UMAD1: variants seen among roughly 807,000 people sequenced by gnomAD.
The protein encoded by UMAD1 is UBAP1-MVB12-associated (UMA)-domain containing protein 1.
Under a neutral mutation model 6.1 loss-of-function variants are expected in UMAD1, and 8 were observed. The observed-to-expected ratio is 1.30, with a 90% CI of 0.76 to 2.35. The LOEUF (loss-of-function observed/expected upper bound fraction) is 2.35. UMAD1 is among the 30% of genes most tolerant of loss of function. The pLI, the probability that UMAD1 is intolerant of heterozygous loss-of-function variation, is 0.00. For synonymous variants in UMAD1, 56 were observed against 31.4 expected, an observed-to-expected ratio of 1.78 and a Z score of -2.61; for missense variants, 130 against 78.4, an observed-to-expected ratio of 1.66 and a Z score of -2.49.
intron 3 of UMAD1, among the ~76,000 whole-genome samples, chr7:7,872,253 T>C (rs1405516727): frequency 6.6e-6 from 1 of 152,190 alleles, no homozygotes; most frequent in Non-Finnish European, 1.5e-5. Context: ...TGTTTCCCAC[T>C]ACATATAAAA....
At chr7:7,791,985 C>T (rs144213527) in intron 2 of UMAD1, among the ~76,000 whole-genome samples, 5 of 152,272 alleles carry the variant, frequency 3.3e-5, no homozygotes, top group African/African-American at 1.2e-4. Flanking sequence ...TTTTAGCAAT[C>T]GTTTGTAATT....
intron 2 of UMAD1, among the ~76,000 whole-genome samples, chr7:7,769,240 A>G (rs1782054245): frequency 1.3e-5 from 2 of 152,216 alleles, no homozygotes; most frequent in African/African-American, 2.4e-5. Flanking sequence ...TGAAAACTCA[A>G]TAAATCTGCT....
chr7:7,846,648 T>C (rs1783788809), intron 3 of UMAD1, among the ~76,000 whole-genome samples: 1 of 152,086 alleles, frequency 6.6e-6, no homozygotes, highest in African/African-American at 2.4e-5. Flanking sequence ...TATTATAACA[T>C]TGAATTGGAT....
intron 3 of UMAD1, among the ~76,000 whole-genome samples, chr7:7,873,740 A>G (rs1045961326): frequency 5.9e-5 from 9 of 152,286 alleles, no homozygotes; most frequent in East Asian, 3.9e-4. Context: ...TAAATTCTCT[A>G]TGGATTTTTT....
At chr7:7,844,084 C>G (rs1314252763) in intron 3 of UMAD1, among the ~76,000 whole-genome samples, 6 of 152,168 alleles carry the variant, frequency 3.9e-5, no homozygotes, top group African/African-American at 1.2e-4. Context: ...TCATAGCCGC[C>G]TTCTACCTGA....
chr7:7,757,593 A>G (rs547426396), intron 2 of UMAD1, among the ~76,000 whole-genome samples: 1 of 152,330 alleles, frequency 6.6e-6, no homozygotes, highest in South Asian at 2.1e-4. Flanking sequence ...GTTAGTTTAC[A>G]GATATTTGGT....
At chr7:7,731,965 G>A (rs1356835214) in intron 2 of UMAD1, among the ~76,000 whole-genome samples, 1 of 152,074 alleles carries the variant, frequency 6.6e-6, no homozygotes, top group Non-Finnish European at 1.5e-5. Flanking sequence ...GTACAATGGA[G>A]ACAGTAAGAG....
chr7:7,739,938 C>T (rs964630899), intron 2 of UMAD1, among the ~76,000 whole-genome samples: 2 of 152,220 alleles, frequency 1.3e-5, no homozygotes, highest in African/African-American at 4.8e-5. Flanking sequence ...TCTGAGTCAG[C>T]ATCCTTGCTA....
chr7:7,865,196 G>A lies in UMAD1; in HGVS notation c.157-12085G>A, dbSNP rs183159978. Among the ~76,000 whole-genome samples, 19 of 152,286 alleles carry A rather than the reference G, an allele frequency of 1.2e-4. 1 individual carries two copies. The highest frequency in any genetic ancestry group is 9.6e-5 in the African/African-American group (4 of 41,570). ...GTGGGAATCCTTGACTTTATAGCTC[G>A]TCAGTCAAAAGTACCTGTGACCTGA... On this transcript the variant is annotated intron_variant, in intron 3 of 3. Coordinates refer to ENST00000682710, the MANE Select transcript of UMAD1 (RefSeq NM_001302348.2).
At chr7:7,671,031 C>T (rs1473648760) in intron 1 of UMAD1, among the ~76,000 whole-genome samples, 1 of 152,188 alleles carries the variant, frequency 6.6e-6, no homozygotes, top group Non-Finnish European at 1.5e-5. Context: ...CACTGGGCCT[C>T]CTTGGGGGCT....
In UMAD1 at chr7:7,830,456, A is replaced by T. The variant is rs958237779; in HGVS notation, c.156+28713A>T. Reference sequence around the variant, plus strand: ...ATTTTTTACCTCTATTAGGTAAAAAATTATATGTTTTGGTTTCTCTCTTTT... The same window carrying T: ...ATTTTTTACCTCTATTAGGTAAAAATTTATATGTTTTGGTTTCTCTCTTTT... On this transcript the variant is annotated intron_variant, in intron 3 of 3. Transcript: ENST00000682710. The surrounding 1 kb of genome is among the most constrained non-coding windows in gnomAD (Gnocchi z 5.3). Among the ~76,000 whole-genome samples the T allele has an allele frequency of 2.0e-5, 3 of 152,032 alleles. No homozygotes were observed. Among genetic ancestry groups the T allele is most frequent in the Non-Finnish European group, 4.4e-5 (3 of 68,018 alleles).
Position 7,876,613 on chromosome 7 carries a change from C to T in UMAD1, c.157-668C>T, listed in dbSNP as rs185930547. 1.1e-3 allele frequency among the ~76,000 whole-genome samples: 161 copies of T among 152,198 alleles called. 1 individual carries two copies. Among genetic ancestry groups the T allele is most frequent in the African/African-American group, 3.3e-3 (136 of 41,520 alleles). On this transcript the variant is annotated intron_variant, in intron 3 of 3. Transcript: ENST00000682710. ...AGATATATCCTTTTTTAAAAAATTG[C>T]GTAACTTTTATGACATAACAGGTTA...
intron 3 of UMAD1, among the ~76,000 whole-genome samples, chr7:7,802,292 C>T (rs746575510): frequency 2.0e-5 from 3 of 152,204 alleles, no homozygotes; most frequent in South Asian, 2.1e-4. Flanking sequence ...GCAGGAGACT[C>T]GCTTGAACCC....
intron 2 of UMAD1, among the ~76,000 whole-genome samples, chr7:7,767,948 T>G (rs1021217231): frequency 6.6e-6 from 1 of 152,216 alleles, no homozygotes; most frequent in African/African-American, 2.4e-5. Flanking sequence ...TATGTAAATA[T>G]TAATTTGTGT....
intron 3 of UMAD1, among the ~76,000 whole-genome samples, chr7:7,822,245 T>A (rs928748103): frequency 6.6e-6 from 1 of 152,056 alleles, no homozygotes; most frequent in East Asian, 1.9e-4. Flanking sequence ...GAAGTCACAC[T>A]GTATGAAAAA....
At chr7:7,655,955 C>T (rs1785331271) in intron 1 of UMAD1, among the ~76,000 whole-genome samples, 1 of 152,140 alleles carries the variant, frequency 6.6e-6, no homozygotes, top group Non-Finnish European at 1.5e-5. Context: ...CCTGCCTCAG[C>T]CTTCCGAGTA....
chr7:7,685,972 C>T (rs1260282700), intron 2 of UMAD1: 1 of 152,196 alleles, frequency 6.6e-6, no homozygotes, highest in African/African-American at 2.4e-5. Context: ...GTTAGGGATG[C>T]TCCAGATTCC....
At chr7:7,766,246 A>T (rs932123861) in intron 2 of UMAD1, among the ~76,000 whole-genome samples, 5 of 152,208 alleles carry the variant, frequency 3.3e-5, no homozygotes, top group Non-Finnish European at 7.4e-5. Context: ...ATATTTTACT[A>T]CAAGTTATTG....
chr7:7,722,534 T>C (rs1781071063), intron 2 of UMAD1, among the ~76,000 whole-genome samples: 1 of 152,118 alleles, frequency 6.6e-6, no homozygotes, highest in South Asian at 2.1e-4. Flanking sequence ...TGTGGAGAAC[T>C]AAGGAATGTA....
Sources: gnomAD v4.1 joint callset for allele counts (sites outside exome capture counted in the v4.1 genomes callset) on GRCh38, gnomAD v4.1.1 for gene constraint, Gnocchi (gnomAD v3.1) non-coding constraint, MANE v1.5 for transcripts, NCBI Gene and HGNC (gene_info 2026-07-23, HGNC 2026-07-21) for gene names.